STPG2: variants seen among roughly 807,000 people sequenced by gnomAD.
The protein encoded by STPG2 is sperm tail PG-rich repeat containing 2.
STPG2 carries 56 observed loss-of-function variants against 54.2 expected under a neutral mutation model. The observed-to-expected ratio is 1.03, with a 90% CI of 0.83 to 1.29. STPG2 has a LOEUF of 1.29. Ranked by LOEUF, STPG2 falls within the 50% of genes most tolerant of loss-of-function variation. The pLI, the probability that STPG2 is intolerant of heterozygous loss-of-function variation, is 0.00. For missense variants in STPG2, 596 were observed against 544.9 expected, an observed-to-expected ratio of 1.09 and a Z score of -0.93; for synonymous variants, 200 against 181.8, an observed-to-expected ratio of 1.10 and a Z score of -0.81.
At chr4:97,671,219 A>G (rs1025532467) in intron 10 of STPG2, among the ~76,000 whole-genome samples, 8 of 152,248 alleles carry the variant, frequency 5.3e-5, no homozygotes. Flanking sequence ...AAAAGCAAAT[A>G]ATATTTTTGT....
chr4:97,544,944 T>C (rs1040972779), intron 4 of STPG2, among the ~76,000 whole-genome samples: 1 of 152,060 alleles, frequency 6.6e-6, no homozygotes, highest in Non-Finnish European at 1.5e-5. Context: ...GTACTACGAA[T>C]GACATAAGTG....
chr4:97,452,136 G>A (rs866757335), intron 4 of STPG2, among the ~76,000 whole-genome samples: 5 of 18,886 alleles, frequency 2.6e-4, no homozygotes, highest in Non-Finnish European at 3.3e-4. Flanking sequence ...CCCCCCCCCC[G>A]CCCCCAGCAC....
chr4:97,912,146 C>CA (rs1329181605), intron 8 of STPG2, among the ~76,000 whole-genome samples: 4 of 151,372 alleles, frequency 2.6e-5, no homozygotes, highest in Admixed American at 6.6e-5. Context: ...AAACACCCTA[C>CA]AAAAAAAACA....
intron 10 of STPG2, among the ~76,000 whole-genome samples, chr4:97,647,473 T>A (rs1329158522): frequency 2.0e-5 from 3 of 152,130 alleles, no homozygotes; most frequent in Non-Finnish European, 4.4e-5. Flanking sequence ...CCTACCTCCA[T>A]CCTCTGCTTC....
At chr4:98,097,206 G>A (rs1038753343) in intron 5 of STPG2, among the ~76,000 whole-genome samples, 2 of 152,018 alleles carry the variant, frequency 1.3e-5, no homozygotes, top group South Asian at 2.1e-4. Context: ...TATCCCTGAC[G>A]AACATAGATG....
chr4:97,708,551 GGTA>G (rs1402420407), intron 10 of STPG2, among the ~76,000 whole-genome samples: 1 of 151,344 alleles, frequency 6.6e-6, no homozygotes, highest in Non-Finnish European at 1.5e-5. Flanking sequence ...AATAATCAAA[GGTA>G]GGAACAAAGA....
chr4:97,783,861 G>C (rs771056791), intron 9 of STPG2, among the ~76,000 whole-genome samples: 1 of 151,282 alleles, frequency 6.6e-6, no homozygotes, highest in Non-Finnish European at 1.5e-5. Context: ...CTCATAGGTG[G>C]GAACAATGCG....
intron 6 of STPG2, among the ~76,000 whole-genome samples, chr4:97,977,764 T>C (rs1366269377): frequency 6.6e-6 from 1 of 152,200 alleles, no homozygotes; most frequent in Admixed American, 6.5e-5. Flanking sequence ...CAAACAATTA[T>C]ACGAAGTGTA....
At chr4:97,475,182 A>G (rs1560624229) in intron 4 of STPG2, among the ~76,000 whole-genome samples, 1 of 152,096 alleles carries the variant, frequency 6.6e-6, no homozygotes, top group East Asian at 1.9e-4. Context: ...TGCTGGGGGC[A>G]AATAGTTTTT....
chr4:97,803,562 C>A (rs1469563336), intron 9 of STPG2, among the ~76,000 whole-genome samples: 1 of 152,104 alleles, frequency 6.6e-6, no homozygotes, highest in African/African-American at 2.4e-5. Context: ...TGGGGTGAGA[C>A]AGAGTCTAAC....
At chr4:97,997,891 A>G (rs1328645982) in intron 5 of STPG2, among the ~76,000 whole-genome samples, 5 of 152,284 alleles carry the variant, frequency 3.3e-5, no homozygotes, top group African/African-American at 1.2e-4. Context: ...ATTTACCTAT[A>G]TAACAAACCT....
intron 5 of STPG2, among the ~76,000 whole-genome samples, chr4:97,999,890 T>C (rs1280678098): frequency 6.6e-6 from 1 of 152,202 alleles, no homozygotes; most frequent in Non-Finnish European, 1.5e-5. Flanking sequence ...GAAGTGATTA[T>C]TGTATATACA....
intron 10 of STPG2, among the ~76,000 whole-genome samples, chr4:97,589,380 T>TA (rs1032186445): frequency 1.3e-5 from 2 of 152,158 alleles, no homozygotes; most frequent in Non-Finnish European, 2.9e-5. Context: ...TTTTGTGAAT[T>TA]AAAAAATATA....
intron 9 of STPG2, among the ~76,000 whole-genome samples, chr4:97,774,666 G>A (rs112725391): frequency 0.02 from 3,076 of 152,188 alleles, 98 homozygotes; most frequent in African/African-American, 0.07. Flanking sequence ...GTTTGGGTGA[G>A]TATATCTGAA....
intron 5 of STPG2, chr4:98,025,376 G>GTT (rs1560643175): frequency 1.2e-5 from 4 of 335,586 alleles, no homozygotes; most frequent in African/African-American, 8.6e-5. Context: ...GGGCCTGCAG[G>GTT]CCTTTGTTCC....
intron 10 of STPG2, among the ~76,000 whole-genome samples, chr4:97,653,085 T>A (rs937187650): frequency 6.8e-6 from 1 of 147,252 alleles, no homozygotes; most frequent in African/African-American, 2.5e-5. Flanking sequence ...AGATAGATGA[T>A]TGATAGATGA....
In STPG2 at chr4:97,789,935, A is replaced by G. The variant is rs571777545; in HGVS notation, c.1204+50838T>C. 2.6e-5 allele frequency among the ~76,000 whole-genome samples: 4 copies of G among 152,310 alleles called. No individual in the cohort carries two copies. In the East Asian group the frequency reaches 5.8e-4, roughly 22 times the overall value. On this transcript the variant is annotated intron_variant, in intron 9 of 10. Coordinates refer to ENST00000295268, the MANE Select transcript of STPG2 (RefSeq NM_174952.3). ...CTCTCCTTTTGCCGCTAAAAATGTA[A>G]ACATTTCAGATCATTAAAGAAATAA...
At chr4:97,600,126 G>C (rs1307100327) in intron 10 of STPG2, among the ~76,000 whole-genome samples, 1 of 152,086 alleles carries the variant, frequency 6.6e-6, no homozygotes, top group African/African-American at 2.4e-5. Flanking sequence ...TCAAAAAACT[G>C]TCTATCAGAT....
At chr4:97,696,055 C>G (rs1209700333) in intron 10 of STPG2, among the ~76,000 whole-genome samples, 1 of 151,980 alleles carries the variant, frequency 6.6e-6, no homozygotes, top group Non-Finnish European at 1.5e-5. Context: ...CCCACATAGC[C>G]AAAGCAAGAC....
Sources: allele counts gnomAD v4.1 joint callset (sites outside exome capture counted in the v4.1 genomes callset), GRCh38; gene constraint gnomAD v4.1.1; transcripts MANE v1.5; gene names NCBI Gene and HGNC (gene_info 2026-07-23, HGNC 2026-07-21).